INPP5A: variants seen among roughly 807,000 people sequenced by gnomAD.
The protein encoded by INPP5A is 43 kDa inositol polyphosphate 5-phophatase.
INPP5A carries 14 observed loss-of-function variants against 65.2 expected under a neutral mutation model. The ratio of observed to expected loss-of-function variants is 0.21; its 90% CI spans 0.14 to 0.34. The LOEUF (loss-of-function observed/expected upper bound fraction) is 0.34. Among genes scored for constraint, INPP5A ranks in the 10% least tolerant of loss-of-function variants. The pLI, the probability that INPP5A is intolerant of heterozygous loss-of-function variation, is 1.00. For synonymous variants in INPP5A, 207 were observed against 208.3 expected, an observed-to-expected ratio of 0.99 and a Z score of 0.05; for missense variants, 431 against 545.6, an observed-to-expected ratio of 0.79 and a Z score of 2.09.
At chr10:132,710,246 G>A in intron 7 of INPP5A, 91 bp from the exon 8 acceptor site, 1 of 1,491,886 alleles carries the variant, frequency 6.7e-7, no homozygotes, top group South Asian at 1.2e-5. Context: ...GCCAGTGCAG[G>A]TCTTATCTTC....
Position 132,737,461 on chromosome 10 carries a change from A to G in INPP5A, c.732+10556A>G, listed in dbSNP as rs557071215. On this transcript the variant is annotated intron_variant, in intron 9 of 15. Coordinates refer to ENST00000368594, the MANE Select transcript of INPP5A (RefSeq NM_005539.5). ...CAGCCCTGTCCTCCTACTGCCGTGG[A>G]CTAATGTTAGTCATCGTCAAGTTCT... Among the ~76,000 whole-genome samples, 3 of 152,114 alleles carry G rather than the reference A, an allele frequency of 2.0e-5. No homozygotes were observed. In the South Asian group the frequency reaches 6.2e-4, roughly 32 times the overall value.
At chr10:132,781,644 G>A (rs1257594772) in intron 14 of INPP5A, among the ~76,000 whole-genome samples, 1 of 152,126 alleles carries the variant, frequency 6.6e-6, no homozygotes, top group Admixed American at 6.5e-5. Context: ...CTCATGGCCG[G>A]CCTGGCTCCA....
chr10:132,631,458 T>C (rs1343823970), intron 2 of INPP5A, among the ~76,000 whole-genome samples: 3 of 152,236 alleles, frequency 2.0e-5, no homozygotes, highest in African/African-American at 7.2e-5. Context: ...GGCAAGTAAC[T>C]GTGGCCTTTT....
chr10:132,570,421 A>T (rs1400521613), intron 1 of INPP5A, among the ~76,000 whole-genome samples: 1 of 152,050 alleles, frequency 6.6e-6, no homozygotes, highest in East Asian at 1.9e-4. Context: ...GTGGAGCTGG[A>T]GGGTTTTCCT....
Position 132,658,901 on chromosome 10 carries a change from G to A in INPP5A, c.306+8396G>A, listed in dbSNP as rs114672809. The stretch of plus-strand genomic sequence containing the variant: ...TGCACCCGGCAGGAGAGTGGAAGGC[G>A]TCGGGCCTGGGGCAGTTTGAAAAGA... On this transcript the variant is annotated intron_variant, in intron 4 of 15. Coordinates refer to ENST00000368594, the MANE Select transcript of INPP5A (RefSeq NM_005539.5). 8.1e-3 allele frequency among the ~76,000 whole-genome samples: 1,239 copies of A among 152,238 alleles called. 15 individuals carry two copies. The highest frequency in any genetic ancestry group is 0.029 in the African/African-American group (1,187 of 41,544).
chr10:132,709,042 T>G (rs1199785508), intron 7 of INPP5A, among the ~76,000 whole-genome samples: 1 of 151,686 alleles, frequency 6.6e-6, no homozygotes, highest in Non-Finnish European at 1.5e-5. Flanking sequence ...CTTAGCAGCT[T>G]TAAAAACACA....
At position 132,604,023 on chromosome 10, in the gene INPP5A, T is replaced by C. The variant is rs1459648426; in HGVS notation, c.76-3892T>C. On this transcript the variant is annotated intron_variant, in intron 1 of 15. Coordinates refer to ENST00000368594, the MANE Select transcript of INPP5A (RefSeq NM_005539.5). Reference sequence around the variant, plus strand: ...CTGTGCCGTCAGGGTCCCCTCTCTGTCCCGCCCTGTGCCGTCAGGGTCCCC... The same window carrying C: ...CTGTGCCGTCAGGGTCCCCTCTCTGCCCCGCCCTGTGCCGTCAGGGTCCCC... 1.8e-4 allele frequency among the ~76,000 whole-genome samples: 24 copies of C among 136,394 alleles called. 1 individual carries two copies. Among genetic ancestry groups the C allele is most frequent in the African/African-American group, 5.9e-4 (21 of 35,322 alleles). The allele number at this position is 136,394 out of a possible 152,430, so 89.5% of individuals were successfully genotyped here. A position where few individuals can be genotyped will look rare whatever the true frequency, so the allele number is the denominator to read the frequency against.
At chr10:132,658,634 G>A (rs898692701) in intron 4 of INPP5A, among the ~76,000 whole-genome samples, 2 of 152,052 alleles carry the variant, frequency 1.3e-5, no homozygotes, top group South Asian at 2.1e-4. Context: ...GGCTGAGTCC[G>A]CCGGCCCCCC....
At chr10:132,760,070 C>T (rs750427400) in intron 11 of INPP5A, among the ~76,000 whole-genome samples, 5 of 152,208 alleles carry the variant, frequency 3.3e-5, no homozygotes, top group East Asian at 1.9e-4. Context: ...GCAGGAAGCC[C>T]GGTGCTCTGC....
intron 1 of INPP5A, among the ~76,000 whole-genome samples, chr10:132,607,204 C>G (rs991893992): frequency 6.6e-6 from 1 of 152,266 alleles, no homozygotes; most frequent in Non-Finnish European, 1.5e-5. Context: ...GCCGTCCCTT[C>G]TCCTGAAGCA....
chr10:132,669,036 C>T (rs2072845651), intron 4 of INPP5A, among the ~76,000 whole-genome samples: 2 of 152,006 alleles, frequency 1.3e-5, no homozygotes, highest in Admixed American at 6.6e-5. Flanking sequence ...GGGTGGGTCA[C>T]GAGGTCAGGA....
intron 4 of INPP5A, among the ~76,000 whole-genome samples, chr10:132,670,843 CTTTTTT>C (rs11289296): frequency 1.7e-5 from 2 of 117,022 alleles, no homozygotes; most frequent in African/African-American, 3.2e-5. Context: ...GTCTTTCTTT[CTTTTTT>C]TTTTTTTTTT....
intron 4 of INPP5A, among the ~76,000 whole-genome samples, chr10:132,672,317 T>C (rs997026560): frequency 6.6e-6 from 1 of 152,210 alleles, no homozygotes. Context: ...ACAGGAGATC[T>C]GGGAGGGGTC....
chr10:132,728,828 G>A (rs1202718647), intron 9 of INPP5A, among the ~76,000 whole-genome samples: 1 of 152,182 alleles, frequency 6.6e-6, no homozygotes, highest in Non-Finnish European at 1.5e-5. Flanking sequence ...GCAGCCGCGG[G>A]AGCCTCCCTG....
At chr10:132,612,526 T>G (rs1490389143) in intron 2 of INPP5A, among the ~76,000 whole-genome samples, 1 of 151,268 alleles carries the variant, frequency 6.6e-6, no homozygotes, top group Non-Finnish European at 1.5e-5. Context: ...GGGCCTGTTT[T>G]GGGAGTTTGG....
At chr10:132,769,959 G>A (rs1048419628) in intron 12 of INPP5A, among the ~76,000 whole-genome samples, 5 of 152,158 alleles carry the variant, frequency 3.3e-5, no homozygotes, top group Non-Finnish European at 7.3e-5. Context: ...AGAATTAACC[G>A]CCATTAACTC....
intron 8 of INPP5A, among the ~76,000 whole-genome samples, chr10:132,713,651 G>A (rs1204291940): frequency 2.6e-5 from 4 of 152,162 alleles, no homozygotes; most frequent in Non-Finnish European, 4.4e-5. Context: ...GCCTGGTCCC[G>A]GGGAGGGTGG....
intron 1 of INPP5A, among the ~76,000 whole-genome samples, chr10:132,591,044 C>T (rs950605154): frequency 1.1e-4 from 16 of 152,200 alleles, no homozygotes; most frequent in Non-Finnish European, 1.2e-4. Context: ...GGAGGAGGCT[C>T]CTCATGTATG....
chr10:132,547,724 G>C lies in INPP5A; in HGVS notation c.75+9553G>C, dbSNP rs2070996416. The stretch of plus-strand genomic sequence containing the variant: ...CGGGACGCCTCGCCTAGGCAAGCAG[G>C]GTTTTCCTCCTTCACGGGACAGCCC... On this transcript the variant is annotated intron_variant, in intron 1 of 15. Coordinates refer to ENST00000368594, the MANE Select transcript of INPP5A (RefSeq NM_005539.5). This position sits in a 1 kb window ranked among gnomAD's most constrained non-coding sequence, Gnocchi z 5.5. Among the ~76,000 whole-genome samples, 1 of 152,252 alleles carries C rather than the reference G, an allele frequency of 6.6e-6. No homozygotes were observed. Among genetic ancestry groups the C allele is most frequent in the South Asian group, 2.1e-4 (1 of 4,828 alleles).
Sources: gnomAD v4.1 joint callset for allele counts (sites outside exome capture counted in the v4.1 genomes callset) on GRCh38, gnomAD v4.1.1 for gene constraint, Gnocchi (gnomAD v3.1) non-coding constraint, MANE v1.5 for transcripts, NCBI Gene and HGNC (gene_info 2026-07-23, HGNC 2026-07-21) for gene names.